Variants in GRID2 observed in about 807,000 individuals in gnomAD.
GRID2 encodes glutamate ionotropic receptor delta type subunit 2.
In GRID2, 33 loss-of-function variants were observed where a neutral mutation model predicts 114.8. The ratio of observed to expected loss-of-function variants is 0.29; its 90% CI spans 0.22 to 0.38. GRID2 has a LOEUF of 0.38. Among genes scored for constraint, GRID2 ranks in the 10% least tolerant of loss-of-function variants. The pLI is 1.00. For synonymous variants in GRID2, 505 were observed against 449.9 expected (o/e 1.12, Z -1.55); for missense variants, 1,184 against 1,257.7 (o/e 0.94, Z 0.89).
chr4:93,435,863 G>A (rs1872383), intron 10 of GRID2, among the ~76,000 whole-genome samples: 32 of 152,026 alleles, frequency 2.1e-4, no homozygotes, highest in African/African-American at 7.2e-4. Flanking sequence ...TCTGGAGTTC[G>A]GGTAAGGATA....
chr4:93,268,212 T>C (rs540649307), intron 8 of GRID2, among the ~76,000 whole-genome samples: 3 of 152,268 alleles, frequency 2.0e-5, no homozygotes, highest in South Asian at 2.1e-4. Context: ...CTGTTTCCAA[T>C]TGGGTGAGGG....
chr4:93,554,890 A>G (rs149239308), intron 13 of GRID2, among the ~76,000 whole-genome samples: 69 of 152,170 alleles, frequency 4.5e-4, no homozygotes, highest in Non-Finnish European at 6.6e-4. Context: ...TGACTTCTGC[A>G]TTTCCAACTG....
At chr4:93,568,341 G>A (rs1161352172) in intron 13 of GRID2, among the ~76,000 whole-genome samples, 1 of 152,182 alleles carries the variant, frequency 6.6e-6, no homozygotes, top group African/African-American at 2.4e-5. Flanking sequence ...TTCTCAAAGT[G>A]GTTGGTAATC....
chr4:93,765,137 A>C (rs962344078), intron 14 of GRID2, among the ~76,000 whole-genome samples: 1 of 152,208 alleles, frequency 6.6e-6, no homozygotes, highest in East Asian at 1.9e-4. Context: ...CTTGCTTTAC[A>C]TAATCTTTAA....
At chr4:93,761,417 G>A (rs897139727) in intron 14 of GRID2, among the ~76,000 whole-genome samples, 1 of 152,126 alleles carries the variant, frequency 6.6e-6, no homozygotes, top group African/African-American at 2.4e-5. Context: ...CATTCTGGCA[G>A]CTTGCCTGTT....
intron 2 of GRID2, among the ~76,000 whole-genome samples, chr4:93,065,975 A>G (rs1179566246): frequency 6.6e-6 from 1 of 151,894 alleles, no homozygotes; most frequent in African/African-American, 2.4e-5. Context: ...TTCAGTTCCC[A>G]TAGTGATACT....
At chr4:92,771,341 T>G (rs1056413798) in intron 2 of GRID2, among the ~76,000 whole-genome samples, 5 of 152,230 alleles carry the variant, frequency 3.3e-5, no homozygotes, top group African/African-American at 1.2e-4. Context: ...GTGCTTGCCT[T>G]ACTCTGTTTT....
intron 14 of GRID2, among the ~76,000 whole-genome samples, chr4:93,691,190 A>T (rs1338920410): frequency 6.6e-6 from 1 of 151,880 alleles, no homozygotes; most frequent in Admixed American, 6.6e-5. Context: ...GATTACTTTA[A>T]AATTCTAAAA....
chr4:92,899,059 C>A (rs1257209190), intron 2 of GRID2, among the ~76,000 whole-genome samples: 1 of 151,908 alleles, frequency 6.6e-6, no homozygotes, highest in Non-Finnish European at 1.5e-5. Flanking sequence ...ATCAGTATAT[C>A]TGATAAAAGA....
intron 2 of GRID2, among the ~76,000 whole-genome samples, chr4:92,974,076 A>T (rs1753696205): frequency 6.6e-6 from 1 of 152,198 alleles, no homozygotes; most frequent in Non-Finnish European, 1.5e-5. Context: ...ACCAACAGAC[A>T]TAGGAAAAAA....
chr4:93,100,964 A>G (rs149748127), intron 3 of GRID2, among the ~76,000 whole-genome samples: 1 of 152,190 alleles, frequency 6.6e-6, no homozygotes, highest in African/African-American at 2.4e-5. Flanking sequence ...GTATTGCAGG[A>G]TACCTCTATC....
At chr4:93,289,562 T>G (rs1753525446) in intron 8 of GRID2, among the ~76,000 whole-genome samples, 1 of 152,212 alleles carries the variant, frequency 6.6e-6, no homozygotes, top group Non-Finnish European at 1.5e-5. Flanking sequence ...GATTTTCTAT[T>G]TTGATAATTT....
chr4:93,226,611 C>A (rs576648377), intron 7 of GRID2, among the ~76,000 whole-genome samples: 1 of 152,296 alleles, frequency 6.6e-6, no homozygotes, highest in South Asian at 2.1e-4. Flanking sequence ...AGGTTAGAGT[C>A]ACATGCTGTT....
At position 93,216,760 on chromosome 4, in the gene GRID2, A is replaced by G. The variant is rs1560998523; in HGVS notation, c.812A>G (p.Gln271Arg). ...TAGGAAATAAACGATGTGGACGTAC[A>G]GGAACTTGTAAGAAGGTCAATTGGA... is the stretch of plus-strand genomic sequence containing the variant. ...INEEINDVDV[Q>R]ELVRRSIGRL... Residue 271 changes from glutamine to arginine, a missense_variant, in exon 6 of 16, where the codon CAG becomes CGG. Physicochemically the swap from Gln to Arg is conservative, Grantham distance 43. Transcript: ENST00000282020. 2 of 1,611,014 alleles carry G rather than the reference A, an allele frequency of 1.2e-6. No individual in the cohort carries two copies. The highest frequency in any genetic ancestry group is 1.7e-4 in the Middle Eastern group (1 of 6,050).
intron 1 of GRID2, among the ~76,000 whole-genome samples, chr4:92,555,501 A>G (rs1252735673): frequency 6.6e-6 from 1 of 152,152 alleles, no homozygotes; most frequent in Admixed American, 6.6e-5. Flanking sequence ...AATGGAAGGA[A>G]GAGATGGTGA....
intron 14 of GRID2, among the ~76,000 whole-genome samples, chr4:93,697,180 C>G (rs367959111): frequency 2.0e-5 from 3 of 152,208 alleles, no homozygotes; most frequent in East Asian, 3.9e-4. Flanking sequence ...TTTAATGAAG[C>G]AACACAAGTG....
intron 2 of GRID2, among the ~76,000 whole-genome samples, chr4:92,810,726 T>C (rs1334128809): frequency 6.6e-6 from 1 of 152,136 alleles, no homozygotes; most frequent in Non-Finnish European, 1.5e-5. Context: ...AATACATTTC[T>C]CTTTAGCAGG....
At chr4:92,772,965 A>C (rs1305142693) in intron 2 of GRID2, among the ~76,000 whole-genome samples, 10 of 152,168 alleles carry the variant, frequency 6.6e-5, no homozygotes, top group Admixed American at 6.5e-4. Flanking sequence ...TGGATATTTT[A>C]CATGCTCTGT....
intron 8 of GRID2, among the ~76,000 whole-genome samples, chr4:93,388,551 G>T (rs910581014): frequency 3.3e-5 from 5 of 152,184 alleles, no homozygotes; most frequent in African/African-American, 1.2e-4. Context: ...TTCAAAGAAT[G>T]AGAGGGAAGG....
Sources: gnomAD v4.1 joint callset for allele counts (sites outside exome capture counted in the v4.1 genomes callset) on GRCh38, gnomAD v4.1.1 for gene constraint, MANE v1.5 for transcripts, NCBI Gene and HGNC (gene_info 2026-07-23, HGNC 2026-07-21) for gene names.